Variants in NLRP8 observed in about 807,000 individuals in gnomAD.
The protein encoded by NLRP8 is NLR family pyrin domain containing 8, also known as NACHT, LRR and PYD domains-containing protein 8.
NLRP8 carries 86 observed loss-of-function variants against 88.7 expected under a neutral mutation model. The ratio of observed to expected loss-of-function variants is 0.97; its 90% CI spans 0.81 to 1.16. The LOEUF is 1.16. Ranked by LOEUF, NLRP8 falls within the 50% of genes most tolerant of loss-of-function variation. The pLI, the probability that NLRP8 is intolerant of heterozygous loss-of-function variation, is 0.00. For synonymous variants in NLRP8, 504 were observed against 494.6 expected, an observed-to-expected ratio of 1.02 and a Z score of -0.25; for missense variants, 1,342 against 1,286.5, an observed-to-expected ratio of 1.04 and a Z score of -0.66.
chr19:55,967,938 G>C (rs547530986), intron 5 of NLRP8, among the ~76,000 whole-genome samples: 72 of 152,326 alleles, frequency 4.7e-4, no homozygotes, highest in Admixed American at 1.6e-3. Flanking sequence ...TGACAAGCCA[G>C]GTAAGAAACA....
chr19:55,972,758 T>C (rs145259626), intron 6 of NLRP8, among the ~76,000 whole-genome samples: 2,892 of 151,962 alleles, frequency 0.019, 85 homozygotes, highest in East Asian at 0.054. Context: ...TGCCATTATT[T>C]TGTTCCTTTT....
chr19:55,952,716 G>A (rs1568458339), intron 2 of NLRP8, 104 bp downstream of exon 2: 4 of 837,588 alleles, frequency 4.8e-6, no homozygotes, highest in Non-Finnish European at 7.9e-6. Flanking sequence ...ACCATGTCCA[G>A]TGTTTCTTCT....
intron 8 of NLRP8, among the ~76,000 whole-genome samples, chr19:55,976,705 T>C (rs192888222): frequency 6.6e-6 from 1 of 150,840 alleles, no homozygotes; most frequent in Non-Finnish European, 1.5e-5. Context: ...TACACATATA[T>C]GTATATAAAG....
At chr19:55,965,252 A>C (rs1351001837) in intron 4 of NLRP8, among the ~76,000 whole-genome samples, 3 of 152,130 alleles carry the variant, frequency 2.0e-5, no homozygotes, top group Non-Finnish European at 4.4e-5. Context: ...GGAGTTCAAG[A>C]CCAGCCTGGC....
chr19:55,977,234 T>C (rs1980387143), intron 8 of NLRP8, among the ~76,000 whole-genome samples: 1 of 146,044 alleles, frequency 6.8e-6, no homozygotes, highest in Admixed American at 7.0e-5. Context: ...TATATGTATA[T>C]AAAGATACAT....
At chr19:55,972,058 T>C (rs1980096012) in intron 6 of NLRP8, among the ~76,000 whole-genome samples, 1 of 152,102 alleles carries the variant, frequency 6.6e-6, no homozygotes, top group African/African-American at 2.4e-5. Context: ...CTATTTATTC[T>C]TTGATGGTCT....
chr19:55,955,368 C>A lies in NLRP8; in HGVS notation c.1310C>A (p.Thr437Asn). 6.2e-7 allele frequency: 1 copy of A among 1,614,168 alleles called. No individual in the cohort carries two copies. The highest frequency in any genetic ancestry group is 8.5e-7 in the Non-Finnish European group (1 of 1,180,038). The change falls in exon 3 of 10, where the codon ACC becomes AAC. Residue 437 changes from threonine (T) to asparagine (N), a missense_variant. By Grantham distance (65) the Thr-to-Asn change is moderately conservative (BLOSUM62 0). Coordinates refer to ENST00000291971, the MANE Select transcript of NLRP8 (RefSeq NM_176811.2). Reference sequence around the variant, plus strand: ...CGGTATATTTCTAGCTTGTTTCCCACCAGAGCTGAGAACTTTTCCAGAAAG... The same window carrying A: ...CGGTATATTTCTAGCTTGTTTCCCAACAGAGCTGAGAACTTTTCCAGAAAG...
Position 55,962,047 on chromosome 19 carries a change from C to A in NLRP8, c.2043-20C>A. ...CCAGTTTAACGAAGAGGTGTTTTCTCTCTTCTCCCTTCCATGTAGAGCGCC... is the reference window on the plus strand; with the variant it reads ...CCAGTTTAACGAAGAGGTGTTTTCTATCTTCTCCCTTCCATGTAGAGCGCC... On this transcript the variant is annotated intron_variant, in intron 3 of 9. Coordinates refer to ENST00000291971, the MANE Select transcript of NLRP8 (RefSeq NM_176811.2). 1 of 1,608,526 alleles carries A rather than the reference C, an allele frequency of 6.2e-7. No homozygotes were observed. Among genetic ancestry groups the A allele is most frequent in the Non-Finnish European group, 8.5e-7 (1 of 1,177,612 alleles).
intron 1 of NLRP8, 30 bp downstream of exon 1, chr19:55,948,299 G>T (rs368204554): frequency 2.1e-5 from 33 of 1,581,060 alleles, no homozygotes; most frequent in Non-Finnish European, 2.1e-5. Flanking sequence ...ATAAAGTGGG[G>T]GTGGGCTTGG....
intron 6 of NLRP8, among the ~76,000 whole-genome samples, chr19:55,972,789 T>C (rs1980131730): frequency 9.0e-6 from 1 of 110,962 alleles, no homozygotes; most frequent in African/African-American, 4.0e-5. Context: ...TAGTATTCCA[T>C]GGTGTGTGTG....
In NLRP8 at chr19:55,959,449, T is replaced by C. The variant is rs1350473544; in HGVS notation, c.2043-2618T>C. On this transcript the variant is annotated intron_variant, in intron 3 of 9. Coordinates refer to ENST00000291971, the MANE Select transcript of NLRP8 (RefSeq NM_176811.2). ...GAATGGTCTTGATCTCCTGACCTCA[T>C]GATCCACCCGCCTCGGCCTCCCAAA... Among the ~76,000 whole-genome samples, 3 of 151,556 alleles carry C rather than the reference T, an allele frequency of 2.0e-5. No homozygotes were observed. The East Asian group carries it at 5.8e-4, about 29-fold the overall frequency.
At chr19:55,972,114 A>ATT (rs60245156) in intron 6 of NLRP8, among the ~76,000 whole-genome samples, 1,360 of 128,312 alleles carry the variant, frequency 0.011, 5 homozygotes, top group Non-Finnish European at 0.012. Flanking sequence ...CTATGTTTTA[A>ATT]TTTTTTTTTT....
At chr19:55,948,308 G>C in intron 1 of NLRP8, 39 bp downstream of exon 1, 2 of 1,573,656 alleles carry the variant, frequency 1.3e-6, no homozygotes, top group Non-Finnish European at 1.7e-6. Context: ...GGGTGGGCTT[G>C]GCTGCTGGGC....
intron 9 of NLRP8, among the ~76,000 whole-genome samples, chr19:55,987,561 G>A (rs1980907016): frequency 6.6e-6 from 1 of 152,154 alleles, no homozygotes; most frequent in African/African-American, 2.4e-5. Context: ...TACCAAGGGA[G>A]GAAGCTGAGC....
intron 7 of NLRP8, among the ~76,000 whole-genome samples, chr19:55,974,471 C>T (rs774220515): frequency 4.6e-5 from 7 of 152,052 alleles, no homozygotes; most frequent in Non-Finnish European, 1.0e-4. Context: ...GCTATTAAGG[C>T]TCACTGTTTT....
chr19:55,948,020 G>T lies in NLRP8; in HGVS notation c.118G>T (p.Gly40Trp), dbSNP rs1345552621. 3 of 1,613,996 alleles carry T rather than the reference G, an allele frequency of 1.9e-6. No homozygotes were observed. Among genetic ancestry groups the T allele is most frequent in the Non-Finnish European group, 1.7e-6 (2 of 1,180,014 alleles). ...CTACCCCGGCTCCCCATGTGAAAATGGGGTCATGCTGTACATGAGAAACGT... is the reference window on the plus strand; with the variant it reads ...CTACCCCGGCTCCCCATGTGAAAATTGGGTCATGCTGTACATGAGAAACGT... The change falls in exon 1 of 10, where the codon GGG (glycine) becomes TGG (tryptophan). Residue 40 changes from glycine (G) to tryptophan (W), a missense_variant. Physicochemically the swap from Gly to Trp is radical, Grantham distance 184. Coordinates refer to ENST00000291971, the MANE Select transcript of NLRP8 (RefSeq NM_176811.2).
rs146544510 is a variant in NLRP8, at chr19:55,950,896, G to A, written c.368-1642G>A. Among the ~76,000 whole-genome samples, 28 of 152,244 alleles carry A rather than the reference G, an allele frequency of 1.8e-4. No homozygotes were observed. The East Asian group carries it at 5.2e-3, about 28-fold the overall frequency. ...AGTTTGAGACCAGCCTGGCTAACAC[G>A]GTGAAACCGCATCTCTACTAAAAAT... On this transcript the variant is annotated intron_variant, in intron 1 of 9. Transcript: ENST00000291971.
At chr19:55,980,732 T>C (rs1980537825) in intron 9 of NLRP8, among the ~76,000 whole-genome samples, 1 of 152,200 alleles carries the variant, frequency 6.6e-6, no homozygotes, top group Non-Finnish European at 1.5e-5. Context: ...CACAGTCTTT[T>C]ATTACTTAAT....
chr19:55,988,454 A>ATGTG lies in NLRP8; in HGVS notation c.*542_*543insGTGT, dbSNP rs1355689868. ...TATATATGTGTGTGTGTATATATAT[A>ATGTG]TATATATATATATATGCTATATAAA... On this transcript the variant is annotated 3_prime_UTR_variant, in exon 10 of 10. Transcript: ENST00000291971. The ATGTG allele has an allele frequency of 7.8e-6, 1 of 127,562 alleles. No homozygotes were observed. The highest frequency in any genetic ancestry group is 3.0e-5 in the African/African-American group (1 of 33,646). The allele number at this position is 127,562 out of a possible 1,614,324, so 7.9% of individuals were successfully genotyped here. A position where few individuals can be genotyped will look rare whatever the true frequency, so the allele number is the denominator to read the frequency against.
Sources: gnomAD v4.1 joint callset for allele counts (sites outside exome capture counted in the v4.1 genomes callset) on GRCh38, gnomAD v4.1.1 for gene constraint, MANE v1.5 for transcripts, NCBI Gene and HGNC (gene_info 2026-07-23, HGNC 2026-07-21) for gene names.